Variants in GLT1D1 observed in about 807,000 individuals in gnomAD.
The protein encoded by GLT1D1 is glycosyltransferase 1 domain containing 1, also known as glycosyltransferase 1 domain-containing protein 1.
In GLT1D1, 21 loss-of-function variants were observed where a neutral mutation model predicts 28.7. The ratio of observed to expected loss-of-function variants is 0.73; its 90% CI spans 0.52 to 1.05. GLT1D1 has a LOEUF of 1.05. GLT1D1 is among the 50% of genes least tolerant of loss of function. The pLI, the probability that GLT1D1 is intolerant of heterozygous loss-of-function variation, is 0.00. For synonymous variants in GLT1D1, 147 were observed against 124.8 expected (o/e 1.18, Z -1.19); for missense variants, 343 against 330.6 (o/e 1.04, Z -0.29).
At chr12:128,901,276 A>G (rs1395153350) in intron 4 of GLT1D1, among the ~76,000 whole-genome samples, 1 of 152,068 alleles carries the variant, frequency 6.6e-6, no homozygotes, top group Admixed American at 6.5e-5. Context: ...TTAACTTTTG[A>G]ATACATGTTG....
rs376826358 is a variant in GLT1D1 at position 128,950,609 on chromosome 12, C to G, written c.540+3151C>G. The stretch of plus-strand genomic sequence containing the variant: ...AACCATAAATACAGGTGATGGTGCC[C>G]CCCCCTCACAGATCAGCTTCACTTG... On this transcript the variant is annotated intron_variant, in intron 6 of 7. Coordinates refer to ENST00000281703, the MANE Select transcript of GLT1D1 (RefSeq NM_144669.3). Among the ~76,000 whole-genome samples the G allele has an allele frequency of 3.9e-4, 59 of 152,254 alleles. 2 individuals carry two copies. The East Asian group carries it at 0.01, about 27-fold the overall frequency.
intron 4 of GLT1D1, among the ~76,000 whole-genome samples, chr12:128,924,804 G>T (rs906943292): frequency 6.6e-6 from 1 of 152,144 alleles, no homozygotes; most frequent in East Asian, 1.9e-4. Flanking sequence ...AGTGGGGAGA[G>T]TGGGAAGCAC....
chr12:128,920,993 T>C (rs1327342517), intron 4 of GLT1D1, among the ~76,000 whole-genome samples: 1 of 152,208 alleles, frequency 6.6e-6, no homozygotes, highest in Admixed American at 6.5e-5. Flanking sequence ...GCTAAGAATT[T>C]ATACCACCTT....
At chr12:128,945,459 C>T in intron 5 of GLT1D1, 90 bp downstream of exon 9, 2 of 1,050,542 alleles carry the variant, frequency 1.9e-6, no homozygotes, top group Admixed American at 3.4e-5. Flanking sequence ...CAGTCCCAGG[C>T]ACTATTCCAA....
rs530195998 is a variant in GLT1D1, at chr12:128,872,685, C to T, written c.69-3229C>T. ...TGACAGTTGAGCTGAATACGGTGAG[C>T]TCTTTGCAGGTTTTAATCAGAAAAG... On this transcript the variant is annotated intron_variant, in intron 1 of 7. Coordinates refer to ENST00000281703, the MANE Select transcript of GLT1D1 (RefSeq NM_144669.3). Among the ~76,000 whole-genome samples, 6 of 152,252 alleles carry T rather than the reference C, an allele frequency of 3.9e-5. No homozygotes were observed. The East Asian group carries it at 1.2e-3, about 29-fold the overall frequency.
intron 4 of GLT1D1, among the ~76,000 whole-genome samples, chr12:128,905,515 G>A (rs1870758528): frequency 6.6e-6 from 1 of 152,218 alleles, no homozygotes; most frequent in Non-Finnish European, 1.5e-5. Context: ...GTTGTCTTGG[G>A]AGCTGGGTTT....
intron 1 of GLT1D1, among the ~76,000 whole-genome samples, chr12:128,868,901 G>T (rs781265058): frequency 6.6e-6 from 1 of 152,004 alleles, no homozygotes; most frequent in Non-Finnish European, 1.5e-5. Flanking sequence ...ATGGAGTCTC[G>T]CTCTGTTGCC....
chr12:128,944,914 A>T (rs559183260), intron 4 of GLT1D1: 7 of 481,536 alleles, frequency 1.5e-5, no homozygotes, highest in Admixed American at 1.1e-4. Flanking sequence ...CGTCATTTAC[A>T]TTAGGTATTT....
intron 4 of GLT1D1, among the ~76,000 whole-genome samples, chr12:128,903,120 A>G (rs1870475362): frequency 6.6e-6 from 1 of 151,458 alleles, no homozygotes; most frequent in Admixed American, 6.6e-5. Flanking sequence ...CTTCAATATC[A>G]TCCTCCACCA....
chr12:128,957,568 A>G lies in GLT1D1; in HGVS notation c.564A>G (p.Val188=). 2 of 1,613,108 alleles carry G rather than the reference A, an allele frequency of 1.2e-6. No individual in the cohort carries two copies. Residue 188 remains valine, a synonymous_variant, in exon 7 of 8, where the codon GTA becomes GTG. Coordinates refer to ENST00000281703, the MANE Select transcript of GLT1D1 (RefSeq NM_144669.3). The stretch of plus-strand genomic sequence containing the variant: ...AGGCAATGGATTTAGAAGTACCGGT[A>G]TTGGCCAGGAACATCCCCGGGAATG...
intron 3 of GLT1D1, among the ~76,000 whole-genome samples, chr12:128,890,366 T>C (rs1284711617): frequency 5.9e-5 from 9 of 152,192 alleles, no homozygotes; most frequent in Non-Finnish European, 1.3e-4. Context: ...ATTGTGTCTT[T>C]TGACAAGGCA....
intron 4 of GLT1D1, among the ~76,000 whole-genome samples, chr12:128,934,445 C>T (rs544579189): frequency 5.3e-5 from 8 of 152,274 alleles, no homozygotes; most frequent in South Asian, 2.1e-4. Flanking sequence ...CCACCCGCCT[C>T]GGCCTCCCAA....
intron 3 of GLT1D1, among the ~76,000 whole-genome samples, chr12:128,896,575 CTTTT>C (rs60875245): frequency 9.5e-6 from 1 of 105,094 alleles, no homozygotes; most frequent in South Asian, 3.2e-4. Context: ...ATGACACATA[CTTTT>C]TTTTTTTTTT....
chr12:128,924,543 G>A (rs898263820), intron 4 of GLT1D1, among the ~76,000 whole-genome samples: 1 of 151,640 alleles, frequency 6.6e-6, no homozygotes, highest in African/African-American at 2.4e-5. Context: ...TGCAACCTCC[G>A]CCTCCCGGGT....
At chr12:128,893,281 G>A (rs538035367) in intron 3 of GLT1D1, among the ~76,000 whole-genome samples, 2 of 152,056 alleles carry the variant, frequency 1.3e-5, no homozygotes, top group Admixed American at 6.6e-5. Flanking sequence ...TTATCGTCAA[G>A]CAAATGAGCA....
At chr12:128,867,674 A>G (rs1338869961) in intron 1 of GLT1D1, among the ~76,000 whole-genome samples, 2 of 152,188 alleles carry the variant, frequency 1.3e-5, no homozygotes, top group Non-Finnish European at 2.9e-5. Context: ...CCATGGAGAA[A>G]GCTGACCTGG....
At chr12:128,920,224 C>T (rs1566133720) in intron 4 of GLT1D1, among the ~76,000 whole-genome samples, 2 of 151,278 alleles carry the variant, frequency 1.3e-5, no homozygotes, top group Non-Finnish European at 2.9e-5. Context: ...GACTGAAGTA[C>T]TTTTTTTTTG....
chr12:128,857,384 C>G (rs1176829307), intron 1 of GLT1D1, among the ~76,000 whole-genome samples: 1 of 152,200 alleles, frequency 6.6e-6, no homozygotes, highest in Non-Finnish European at 1.5e-5. Flanking sequence ...TGTGCAGAAG[C>G]AGAATAAAGG....
intron 1 of GLT1D1, among the ~76,000 whole-genome samples, chr12:128,873,128 C>A (rs1425874650): frequency 1.3e-5 from 2 of 152,034 alleles, no homozygotes; most frequent in East Asian, 3.9e-4. Flanking sequence ...ACTCCTGAGC[C>A]CAAATGATCC....
Sources: gnomAD v4.1 joint callset for allele counts (sites outside exome capture counted in the v4.1 genomes callset) on GRCh38, gnomAD v4.1.1 for gene constraint, MANE v1.5 for transcripts, NCBI Gene and HGNC (gene_info 2026-07-23, HGNC 2026-07-21) for gene names.